The following TOGARAM2 variants were observed in gnomAD, a reference collection of about 807,000 sequenced individuals.
The protein encoded by TOGARAM2 is TOG array regulator of axonemal microtubules 2.
In TOGARAM2, 85 loss-of-function variants were observed where a neutral mutation model predicts 93.3. The observed-to-expected ratio is 0.91, with a 90% CI of 0.76 to 1.09. The LOEUF (loss-of-function observed/expected upper bound fraction) is 1.09, where lower values mean the gene tolerates loss of function less well. TOGARAM2 is among the 50% of genes least tolerant of loss of function. The pLI is 0.00. For missense variants in TOGARAM2, 1,277 were observed against 1,334.5 expected, an observed-to-expected ratio of 0.96 and a Z score of 0.67; for synonymous variants, 593 against 552.8, an observed-to-expected ratio of 1.07 and a Z score of -1.02.
Position 29,024,136 on chromosome 2 carries a change from A to G in TOGARAM2, c.1618-3A>G. On this transcript the variant is annotated splice_region_variant and splice_polypyrimidine_tract_variant and intron_variant, in intron 12 of 19. Coordinates refer to ENST00000379558, the MANE Select transcript of TOGARAM2 (RefSeq NM_199280.4). ...CCTGGAGGGCCTCTCTCCTCTCTCC[A>G]AGGTCACCAACCTGCGGTCCAAGGT... 3 of 1,566,074 alleles carry G rather than the reference A, an allele frequency of 1.9e-6. No individual in the cohort carries two copies. Among genetic ancestry groups the G allele is most frequent in the Non-Finnish European group, 2.6e-6 (3 of 1,155,138 alleles).
intron 1 of TOGARAM2, among the ~76,000 whole-genome samples, chr2:28,975,228 A>G (rs181092952): frequency 0.01 from 1,522 of 151,854 alleles, 20 homozygotes; most frequent in African/African-American, 0.035. Context: ...TCACTCTGTC[A>G]CCCAGGCTGG....
Position 28,961,288 on chromosome 2 carries a change from G to A in TOGARAM2, c.-147+4591G>A, listed in dbSNP as rs751690009. Among the ~76,000 whole-genome samples, 14 of 152,104 alleles carry A rather than the reference G, an allele frequency of 9.2e-5. 1 individual carries two copies. The highest frequency in any genetic ancestry group is 1.3e-4 in the Non-Finnish European group (9 of 68,044). On this transcript the variant is annotated intron_variant, in intron 1 of 6. Transcript: ENST00000401723. ...GAGACTGGCCCCAGCCATCAGAGCA[G>A]TAGACAAAGGCTTTTGTTTAAAAAA... is the stretch of plus-strand genomic sequence containing the variant.
upstream of TOGARAM2, among the ~76,000 whole-genome samples, chr2:28,976,298 A>G (rs537895092): frequency 1.2e-4 from 18 of 152,238 alleles, no homozygotes; most frequent in South Asian, 4.1e-4. Flanking sequence ...GTGAACCTGG[A>G]AGGCGGAGCT....
intron 4 of TOGARAM2, 51 bp from the exon 5 acceptor site, chr2:29,002,485 A>G (rs1673355779): frequency 6.5e-7 from 1 of 1,541,352 alleles, no homozygotes; most frequent in African/African-American, 1.4e-5. Flanking sequence ...TCCACCTTCC[A>G]CTCCCTGTTC....
At chr2:29,029,925 C>T (rs534799487) in intron 14 of TOGARAM2, among the ~76,000 whole-genome samples, 1 of 152,252 alleles carries the variant, frequency 6.6e-6, no homozygotes, top group East Asian at 1.9e-4. Flanking sequence ...AACCAACCAC[C>T]ACCTGTTCCC....
At chr2:29,016,281 C>T (rs35284298) in intron 8 of TOGARAM2, among the ~76,000 whole-genome samples, 31,752 of 151,824 alleles carry the variant, frequency 0.21, 3,387 homozygotes, top group Middle Eastern at 0.27. Flanking sequence ...CCACCATCCC[C>T]ATCGCCGTCC....
At chr2:28,975,346 G>A (rs1220796850) in intron 1 of TOGARAM2, among the ~76,000 whole-genome samples, 3 of 151,686 alleles carry the variant, frequency 2.0e-5, no homozygotes, top group South Asian at 2.1e-4. Flanking sequence ...CCGCCACCAC[G>A]CCCGGCTATG....
At chr2:28,986,075 T>C (rs1672450498) in intron 1 of TOGARAM2, among the ~76,000 whole-genome samples, 1 of 140,722 alleles carries the variant, frequency 7.1e-6, no homozygotes, top group Non-Finnish European at 1.5e-5. Flanking sequence ...ATCATGACAC[T>C]GACCTCCAGC....
rs1664425123 is a variant in TOGARAM2 at position 29,014,376 on chromosome 2, C to A, written c.878-19C>A. On this transcript the variant is annotated intron_variant, in intron 7 of 19. Coordinates refer to ENST00000379558, the MANE Select transcript of TOGARAM2 (RefSeq NM_199280.4). The stretch of plus-strand genomic sequence containing the variant: ...TGACCTGGGTGTCTTCAGCTCCACC[C>A]CTGTTCTCAACCCCTCAGAGCCAAA... 3 of 1,608,080 alleles carry A rather than the reference C, an allele frequency of 1.9e-6. No homozygotes were observed. The highest frequency in any genetic ancestry group is 1.7e-6 in the Non-Finnish European group (2 of 1,177,858).
chr2:29,042,500 T>C (rs1056655910), intron 18 of TOGARAM2, among the ~76,000 whole-genome samples: 2 of 152,326 alleles, frequency 1.3e-5, no homozygotes, highest in Admixed American at 1.3e-4. Context: ...TTCCAGCTCA[T>C]GCTGAGGTCT....
intron 1 of TOGARAM2, among the ~76,000 whole-genome samples, chr2:28,985,199 T>C (rs6711005): frequency 0.42 from 64,154 of 151,978 alleles, 15,015 homozygotes; most frequent in Middle Eastern, 0.55. Context: ...GCTTGCTCTC[T>C]GTCTCTCTCT....
chr2:28,995,059 G>A (rs553408403), intron 2 of TOGARAM2, among the ~76,000 whole-genome samples, 197 bp downstream of exon 2: 3 of 152,358 alleles, frequency 2.0e-5, no homozygotes, highest in Admixed American at 2.0e-4. Context: ...GTGGCTCCCT[G>A]GCCTAAGGAG....
chr2:29,040,402 C>T (rs183521494), intron 18 of TOGARAM2, among the ~76,000 whole-genome samples: 1 of 152,184 alleles, frequency 6.6e-6, no homozygotes, highest in East Asian at 1.9e-4. Flanking sequence ...TTCAGAGAAA[C>T]CATTATTAAC....
chr2:28,966,969 T>C (rs1342326145), intron 1 of TOGARAM2, among the ~76,000 whole-genome samples: 1 of 152,228 alleles, frequency 6.6e-6, no homozygotes, highest in Non-Finnish European at 1.5e-5. Flanking sequence ...GAAAGCCATA[T>C]AGGTTTTATT....
intron 13 of TOGARAM2, among the ~76,000 whole-genome samples, 177 bp from the exon 14 acceptor site, chr2:29,026,676 G>A (rs143854928): frequency 3.3e-5 from 5 of 152,186 alleles, no homozygotes; most frequent in East Asian, 1.9e-4. Context: ...CACCCTGTTC[G>A]TAGAAAGTGA....
At chr2:29,035,438 G>A in intron 16 of TOGARAM2, 26 bp from the exon 17 acceptor site, 4 of 1,336,322 alleles carry the variant, frequency 3.0e-6, no homozygotes, top group East Asian at 2.8e-5. Context: ...TCCCTGGGGG[G>A]TTCAGACGCC....
In TOGARAM2 at chr2:28,993,345, A is replaced by G. The variant is rs1217481716; in HGVS notation, c.-110-1380A>G. On this transcript the variant is annotated intron_variant, in intron 1 of 19. Coordinates refer to ENST00000379558, the MANE Select transcript of TOGARAM2 (RefSeq NM_199280.4). ...ATCCCAGGACCCCAGCTTGTTTGCT[A>G]TAATTCAGCCATGGAAGGTCTGTGC... Among the ~76,000 whole-genome samples the G allele has an allele frequency of 3.9e-5, 6 of 152,192 alleles. No individual in the cohort carries two copies. The East Asian group carries it at 1.2e-3, about 29-fold the overall frequency.
At chr2:29,033,300 C>G in intron 15 of TOGARAM2, 169 bp from the exon 16 acceptor site, 1 of 716,976 alleles carries the variant, frequency 1.4e-6, no homozygotes, top group Non-Finnish European at 2.3e-6. Context: ...AACCAGGGAT[C>G]TTGATCTCTG....
At chr2:28,974,526 C>T (rs1348019881) in intron 1 of TOGARAM2, among the ~76,000 whole-genome samples, 2 of 152,144 alleles carry the variant, frequency 1.3e-5, no homozygotes, top group Admixed American at 6.6e-5. Flanking sequence ...TTCAGACCCA[C>T]ACCCTTTCTC....
Sources: allele counts gnomAD v4.1 joint callset (sites outside exome capture counted in the v4.1 genomes callset), GRCh38; gene constraint gnomAD v4.1.1; transcripts MANE v1.5; gene names NCBI Gene and HGNC (gene_info 2026-07-23, HGNC 2026-07-21).